DBH: variants seen among roughly 807,000 people sequenced by gnomAD.
DBH encodes dopamine beta-hydroxylase.
In DBH, 49 loss-of-function variants were observed where a neutral mutation model predicts 64.0. That is an observed-to-expected ratio of 0.77 (90% confidence interval 0.61 to 0.97). The LOEUF (loss-of-function observed/expected upper bound fraction) is 0.97, where lower values mean the gene tolerates loss of function less well. Ranked by LOEUF, DBH falls within the 50% of genes least tolerant of loss-of-function variation. The probability of loss-of-function intolerance (pLI) is 0.00; values close to 1 mark genes in which losing one functional copy is unlikely to be tolerated. For synonymous variants in DBH, 343 were observed against 347.1 expected (o/e 0.99, Z 0.13); for missense variants, 828 against 826.6 (o/e 1.00, Z -0.02).
chr9:133,646,015 A>T (rs1024258528), intron 5 of DBH, among the ~76,000 whole-genome samples: 2 of 152,192 alleles, frequency 1.3e-5, no homozygotes, highest in Non-Finnish European at 2.9e-5. Flanking sequence ...GAAGATGGAC[A>T]GCAGAAAAGC....
In DBH at chr9:133,642,420, A is replaced by C. The variant is rs1249794662; in HGVS notation, c.700A>C (p.Ile234Leu). ...CCAGGAGACCACGTACTGGTGCTACATTAAGGAGCTTCCAAAGGGCTTCTC... is the reference window on the plus strand; with the variant it reads ...CCAGGAGACCACGTACTGGTGCTACCTTAAGGAGCTTCCAAAGGGCTTCTC... ...PSQETTYWCYIKELPKGFSRH... is the reference protein window; with the variant it reads ...PSQETTYWCYLKELPKGFSRH... The change falls in exon 3 of 12, where the codon ATT (isoleucine) becomes CTT (leucine). Residue 234 changes from isoleucine (I) to leucine (L), a missense_variant. By Grantham distance (5) the Ile-to-Leu change is conservative. Transcript: ENST00000393056. The C allele has an allele frequency of 1.2e-6, 2 of 1,613,570 alleles. No homozygotes were observed. The highest frequency in any genetic ancestry group is 1.7e-6 in the Non-Finnish European group (2 of 1,179,760).
rs1832270556 is a variant in DBH, at chr9:133,653,008, C to T, written c.1434+9C>T. The T allele has an allele frequency of 3.7e-6, 6 of 1,605,052 alleles. No homozygotes were observed. The highest frequency in any genetic ancestry group is 1.1e-5 in the South Asian group (1 of 90,878). The stretch of plus-strand genomic sequence containing the variant: ...GGGAGCTGGCCACAGTGGTAAGTCA[C>T]CCCCGCTTCCCCCTGCACCTGCCCA... On this transcript the variant is annotated intron_variant, in intron 9 of 11. Transcript: ENST00000393056.
Position 133,642,275 on chromosome 9 carries a change from C to T in DBH, c.555C>T (p.Gly185=). ...EPFRSLEAIN[G]SGLQMGLQRV... is the part of the protein sequence containing the mutation. ...TCCGGTCACTGGAGGCCATCAACGG[C>T]TCGGGCCTGCAGATGGGGCTGCAGA... Residue 185 remains glycine (G), a synonymous_variant, in exon 3 of 12, where the codon GGC becomes GGT. Coordinates refer to ENST00000393056, the MANE Select transcript of DBH (RefSeq NM_000787.4). 1.2e-6 allele frequency: 2 copies of T among 1,614,060 alleles called. No individual in the cohort carries two copies. Among genetic ancestry groups the T allele is most frequent in the Non-Finnish European group, 1.7e-6 (2 of 1,180,010 alleles).
chr9:133,658,518 TGCG>T lies in DBH; in HGVS notation c.*72_*74del. On this transcript the variant is annotated 3_prime_UTR_variant, in exon 12 of 12. Coordinates refer to ENST00000393056, the MANE Select transcript of DBH (RefSeq NM_000787.4). ...CACACCGGCACTGTGCACTCTACTC[TGCG>T]ACGATCCCCATGGAACAGCCCTGCA... is the stretch of plus-strand genomic sequence containing the variant. 1 of 1,472,298 alleles carries T rather than the reference TGCG, an allele frequency of 6.8e-7. No individual in the cohort carries two copies. Among genetic ancestry groups the T allele is most frequent in the East Asian group, 2.4e-5 (1 of 40,916 alleles). 91.2% of individuals were successfully genotyped at this position (1,472,298 alleles called of 1,614,324 possible). A position where few individuals can be genotyped will look rare whatever the true frequency, so the allele number is the denominator to read the frequency against.
At chr9:133,654,330 C>G (rs1361113987) in intron 9 of DBH, among the ~76,000 whole-genome samples, 1 of 152,138 alleles carries the variant, frequency 6.6e-6, no homozygotes. Context: ...TCTCAAACTC[C>G]TCATGTAATC....
chr9:133,644,997 GCA>G (rs1832166207), intron 5 of DBH, among the ~76,000 whole-genome samples: 1 of 152,100 alleles, frequency 6.6e-6, no homozygotes. Context: ...GCACGCAGAA[GCA>G]CACACATGCA....
intron 8 of DBH, 30 bp from the exon 9 acceptor site, chr9:133,652,910 G>T: frequency 6.3e-7 from 1 of 1,597,498 alleles, no homozygotes; most frequent in South Asian, 1.1e-5. Flanking sequence ...CAGGTGGCAG[G>T]TGCTGATGGT....
chr9:133,650,122 G>A (rs1235524341), intron 6 of DBH, among the ~76,000 whole-genome samples: 2 of 152,206 alleles, frequency 1.3e-5, no homozygotes, highest in African/African-American at 4.8e-5. Context: ...GGGGGCCAAA[G>A]GGGCATTGGG....
rs757140366 is a variant in DBH, at chr9:133,643,363, G to C, written c.745-50G>C. On this transcript the variant is annotated intron_variant, in intron 3 of 11. Coordinates refer to ENST00000393056, the MANE Select transcript of DBH (RefSeq NM_000787.4). This position sits in a 1 kb window ranked among gnomAD's most constrained non-coding sequence, Gnocchi z 5.3. ...GCCCATGGAGGAGGGCTGCTGGGGA[G>C]GGGAGGGTGGGCGGCCGGTTCCCGG... is the stretch of plus-strand genomic sequence containing the variant. 12 of 1,602,240 alleles carry C rather than the reference G, an allele frequency of 7.5e-6. No individual in the cohort carries two copies. In the Admixed American group the frequency reaches 1.7e-4, roughly 22 times the overall value.
intron 6 of DBH, among the ~76,000 whole-genome samples, chr9:133,650,791 A>T (rs1588352005): frequency 6.6e-6 from 1 of 151,678 alleles, no homozygotes; most frequent in East Asian, 1.9e-4. Context: ...CAAATGATCC[A>T]TGTGCCTCAG....
At position 133,648,015 on chromosome 9, in the gene DBH, G is replaced by A. The variant is rs888961287; in HGVS notation, c.1191+3G>A. The stretch of plus-strand genomic sequence containing the variant: ...GCACGGACAAGTGCACCCAGCTGGT[G>A]AGTGGGGCTGGGCCCGGCACTGCAC... On this transcript the variant is annotated splice_donor_region_variant and intron_variant, in intron 6 of 11. Coordinates refer to ENST00000393056, the MANE Select transcript of DBH (RefSeq NM_000787.4). 1 of 1,610,726 alleles carries A rather than the reference G, an allele frequency of 6.2e-7. No homozygotes were observed. The highest frequency in any genetic ancestry group is 8.5e-7 in the Non-Finnish European group (1 of 1,179,266).
Position 133,641,034 on chromosome 9 carries a change from G to A in DBH, c.486+1042G>A, listed in dbSNP as rs552110132. Among the ~76,000 whole-genome samples the A allele has an allele frequency of 5.3e-5, 8 of 152,334 alleles. 1 individual carries two copies. Among genetic ancestry groups the A allele is most frequent in the Middle Eastern group, 6.8e-3 (2 of 294 alleles). On this transcript the variant is annotated intron_variant, in intron 2 of 11. Coordinates refer to ENST00000393056, the MANE Select transcript of DBH (RefSeq NM_000787.4). Reference sequence around the variant, plus strand: ...TGGTGTGTGACAGTCAGGTGGAGGAGGTGGCTAAGGATATGGGCTTGGGAC... The same window carrying A: ...TGGTGTGTGACAGTCAGGTGGAGGAAGTGGCTAAGGATATGGGCTTGGGAC...
chr9:133,636,840 G>A lies in DBH; in HGVS notation c.339+130G>A, dbSNP rs1588345448. Reference sequence around the variant, plus strand: ...ACCTGTCAGTGTTTGAGTTGACTCTGCTCTGAGCCAAGTCTGCACCCCGAG... The same window carrying A: ...ACCTGTCAGTGTTTGAGTTGACTCTACTCTGAGCCAAGTCTGCACCCCGAG... On this transcript the variant is annotated intron_variant, in intron 1 of 11. Transcript: ENST00000393056. 6.7e-6 allele frequency: 6 copies of A among 896,200 alleles called. No homozygotes were observed. The Middle Eastern group carries it at 7.2e-4, about 107-fold the overall frequency. The allele number at this position is 896,200 out of a possible 1,614,324, so 55.5% of individuals were successfully genotyped here. A position where few individuals can be genotyped will look rare whatever the true frequency, so the allele number is the denominator to read the frequency against.
chr9:133,652,304 G>C lies in DBH; in HGVS notation c.1374+20G>C, dbSNP rs1274286052. On this transcript the variant is annotated intron_variant, in intron 8 of 11. Coordinates refer to ENST00000393056, the MANE Select transcript of DBH (RefSeq NM_000787.4). ...CATCCGGTGAGTGCCCAGCGGGAAG[G>C]CTGTCCCACTCACTGCCACCAGCTG... 6.2e-7 allele frequency: 1 copy of C among 1,612,218 alleles called. No homozygotes were observed. Among genetic ancestry groups the C allele is most frequent in the Admixed American group, 1.7e-5 (1 of 60,018 alleles).
At chr9:133,656,434 G>A (rs766564315) in intron 9 of DBH, 89 bp from the exon 10 acceptor site, 15 of 1,567,104 alleles carry the variant, frequency 9.6e-6, no homozygotes, top group Non-Finnish European at 1.1e-5. Context: ...ACGAGTGGAC[G>A]CAGTGTACAC....
In DBH at chr9:133,657,119, C is replaced by G. The variant is rs1191214222; in HGVS notation, c.1612C>G (p.Gln538Glu). Reference sequence around the variant, plus strand: ...CTGCCCTCAGGCGTCCGTGTCTCAGCAGTTCACCTCTGTTCCCTGGAACTC... The same window carrying G: ...CTGCCCTCAGGCGTCCGTGTCTCAGGAGTTCACCTCTGTTCCCTGGAACTC... ...CTCPQASVSQQFTSVPWNSFN... is the reference protein window; with the variant it reads ...CTCPQASVSQEFTSVPWNSFN... Residue 538 changes from glutamine to glutamate, a missense_variant, in exon 11 of 12, where the codon CAG becomes GAG. By Grantham distance (29) the Gln-to-Glu change is conservative (BLOSUM62 2). Coordinates refer to ENST00000393056, the MANE Select transcript of DBH (RefSeq NM_000787.4). The G allele has an allele frequency of 6.2e-7, 1 of 1,613,950 alleles. No individual in the cohort carries two copies. The highest frequency in any genetic ancestry group is 1.3e-5 in the African/African-American group (1 of 74,940).
intron 8 of DBH, 70 bp downstream of exon 8, chr9:133,652,354 C>T: frequency 6.4e-7 from 1 of 1,557,208 alleles, no homozygotes; most frequent in Non-Finnish European, 8.8e-7. Flanking sequence ...GCTGGGGGTG[C>T]CACCAGAAGG....
At chr9:133,640,038 T>C in intron 2 of DBH, 46 bp downstream of exon 2, 1 of 1,605,904 alleles carries the variant, frequency 6.2e-7, no homozygotes, top group East Asian at 2.2e-5. Context: ...GCTGCGTGTA[T>C]CATGCTGCCA....
chr9:133,649,717 G>T (rs1003653022), intron 6 of DBH, among the ~76,000 whole-genome samples: 9 of 152,228 alleles, frequency 5.9e-5, no homozygotes, highest in Non-Finnish European at 1.0e-4. Context: ...CTGGTGAAGC[G>T]TGGGCCCATG....
Sources: gnomAD v4.1 joint callset for allele counts (sites outside exome capture counted in the v4.1 genomes callset) on GRCh38, gnomAD v4.1.1 for gene constraint, Gnocchi (gnomAD v3.1) non-coding constraint, MANE v1.5 for transcripts, NCBI Gene and HGNC (gene_info 2026-07-23, HGNC 2026-07-21) for gene names.